BBS9: variants seen among roughly 807,000 people sequenced by gnomAD.
BBS9 encodes the protein Bardet-Biedl syndrome 9.
BBS9 carries 89 observed loss-of-function variants against 117.7 expected under a neutral mutation model. That is an observed-to-expected ratio of 0.76 (90% CI 0.64 to 0.90). BBS9 has a LOEUF of 0.90. Ranked by LOEUF, BBS9 falls within the 40% of genes least tolerant of loss-of-function variation. The probability of loss-of-function intolerance (pLI) is 0.00; values close to 1 mark genes in which losing one functional copy is unlikely to be tolerated. For missense variants in BBS9, 982 were observed against 1,042.2 expected (o/e 0.94, Z 0.80); for synonymous variants, 379 against 370.9 (o/e 1.02, Z -0.25).
chr7:33,387,479 T>A (rs1040100713), intron 18 of BBS9, among the ~76,000 whole-genome samples: 1 of 152,144 alleles, frequency 6.6e-6, no homozygotes, highest in Non-Finnish European at 1.5e-5. Flanking sequence ...TATAATTTTT[T>A]AAAATCATGT....
intron 21 of BBS9, among the ~76,000 whole-genome samples, chr7:33,558,454 C>A (rs1367862453): frequency 6.6e-6 from 1 of 152,054 alleles, no homozygotes; most frequent in East Asian, 1.9e-4. Context: ...AGAGAGGGAA[C>A]AGGGCAGGCA....
chr7:33,201,554 T>C (rs1376275513), intron 5 of BBS9, among the ~76,000 whole-genome samples: 4 of 152,142 alleles, frequency 2.6e-5, no homozygotes, highest in East Asian at 1.9e-4. Context: ...TGAATCAGTA[T>C]ATTTCTCTCT....
intron 19 of BBS9, among the ~76,000 whole-genome samples, chr7:33,404,061 T>C (rs1421218730): frequency 6.6e-6 from 1 of 152,202 alleles, no homozygotes; most frequent in Admixed American, 6.5e-5. Flanking sequence ...TTTCTACATA[T>C]GGCTAGCCAG....
chr7:33,329,593 A>G (rs1347071235), intron 9 of BBS9, among the ~76,000 whole-genome samples: 1 of 119,186 alleles, frequency 8.4e-6, no homozygotes, highest in Non-Finnish European at 1.8e-5. Flanking sequence ...TTCCCCCCCT[A>G]TCATTTGGGT....
chr7:33,253,900 A>C (rs1463883622), intron 5 of BBS9, among the ~76,000 whole-genome samples: 1 of 152,172 alleles, frequency 6.6e-6, no homozygotes, highest in African/African-American at 2.4e-5. Context: ...TGGAAGCTTT[A>C]TTTTGGATGG....
chr7:33,450,735 A>G (rs557202895), intron 19 of BBS9, among the ~76,000 whole-genome samples: 1 of 151,852 alleles, frequency 6.6e-6, no homozygotes, highest in East Asian at 1.9e-4. Context: ...TTTTGTTGTT[A>G]TTGGGTTGTA....
intron 17 of BBS9, among the ~76,000 whole-genome samples, chr7:33,374,900 TCA>T: frequency 1.6e-5 from 1 of 63,384 alleles, no homozygotes; most frequent in South Asian, 4.2e-4. Flanking sequence ...AAACTCCGTC[TCA>T]AAAAAAAAAA....
intron 9 of BBS9, among the ~76,000 whole-genome samples, chr7:33,288,783 A>G (rs1157627010): frequency 6.6e-6 from 1 of 152,202 alleles, no homozygotes; most frequent in African/African-American, 2.4e-5. Flanking sequence ...AATTTGTATC[A>G]TTATGTGCCA....
chr7:33,356,709 G>A (rs1819672324), intron 15 of BBS9, among the ~76,000 whole-genome samples: 1 of 151,842 alleles, frequency 6.6e-6, no homozygotes, highest in Non-Finnish European at 1.5e-5. Flanking sequence ...CAGCTTGGAT[G>A]TGGAGTAAGA....
chr7:33,376,518 CTTT>C (rs1823918513), intron 17 of BBS9, among the ~76,000 whole-genome samples: 1 of 152,116 alleles, frequency 6.6e-6, no homozygotes, highest in Non-Finnish European at 1.5e-5. Context: ...GTGCATGTAT[CTTT>C]ATGGTAGAAC....
intron 19 of BBS9, among the ~76,000 whole-genome samples, chr7:33,405,502 A>G (rs1229756241): frequency 6.6e-6 from 1 of 152,088 alleles, no homozygotes; most frequent in Non-Finnish European, 1.5e-5. Flanking sequence ...TAAGCTATTG[A>G]TTATTGCCAC....
rs560408347 is a variant in BBS9 at position 33,626,313 on chromosome 7, T to C, written c.2522-8864T>C. ...GCAGAACTGTGAAGTCAATTAAACC[T>C]CTTTTCTTTATAAATTATCCAGTCT... is the stretch of plus-strand genomic sequence containing the variant. On this transcript the variant is annotated intron_variant, in intron 21 of 21. Transcript: ENST00000671952. 3.3e-5 allele frequency among the ~76,000 whole-genome samples: 5 copies of C among 152,342 alleles called. No homozygotes were observed. In the South Asian group the frequency reaches 1.0e-3, roughly 32 times the overall value.
chr7:33,375,623 TTACTCTGTCACC>T (rs1823724609), intron 17 of BBS9, among the ~76,000 whole-genome samples: 1 of 150,606 alleles, frequency 6.6e-6, no homozygotes, highest in South Asian at 2.1e-4. Flanking sequence ...AGACAGAGTC[TTACTCTGTCACC>T]CAGGCTGGAG....
intron 3 of BBS9, among the ~76,000 whole-genome samples, chr7:33,153,101 G>T (rs1793601630): frequency 6.6e-6 from 1 of 152,126 alleles, no homozygotes. Context: ...AAAACAAAGA[G>T]ATAAGCTTTT....
intron 21 of BBS9, among the ~76,000 whole-genome samples, chr7:33,616,668 A>G (rs537387592): frequency 1.2e-3 from 189 of 151,940 alleles, no homozygotes; most frequent in Non-Finnish European, 2.2e-3. Context: ...AGTTATGTTA[A>G]TAGTCACTTT....
At chr7:33,346,613 C>A (rs1376970829) in intron 12 of BBS9, among the ~76,000 whole-genome samples, 1 of 152,090 alleles carries the variant, frequency 6.6e-6, no homozygotes, top group Non-Finnish European at 1.5e-5. Flanking sequence ...TTCTTTGTTA[C>A]TGTTGTTATT....
intron 9 of BBS9, among the ~76,000 whole-genome samples, chr7:33,292,138 T>G (rs1804178053): frequency 6.6e-6 from 1 of 152,218 alleles, no homozygotes; most frequent in Admixed American, 6.5e-5. Flanking sequence ...GTGACTCACT[T>G]AGAAGAGGGT....
chr7:33,170,764 A>G (rs2128145027), intron 4 of BBS9, among the ~76,000 whole-genome samples: 1 of 149,524 alleles, frequency 6.7e-6, no homozygotes. Flanking sequence ...GTCTCAGGAT[A>G]CAAAATCAAT....
chr7:33,512,044 A>G (rs967087928), intron 20 of BBS9, among the ~76,000 whole-genome samples: 2 of 152,250 alleles, frequency 1.3e-5, no homozygotes, highest in Non-Finnish European at 2.9e-5. Context: ...AACACAGTGC[A>G]GAAAGTAAAT....
Sources: gnomAD v4.1 joint callset for allele counts (sites outside exome capture counted in the v4.1 genomes callset) on GRCh38, gnomAD v4.1.1 for gene constraint, MANE v1.5 for transcripts, NCBI Gene and HGNC (gene_info 2026-07-23, HGNC 2026-07-21) for gene names.